The following RPSA2 variants were observed in gnomAD, a reference collection of about 807,000 sequenced individuals.
RPSA2 encodes the protein ribosomal protein SA 2, also known as small ribosomal subunit protein uS2B.
At chr19:23,805,611 A>T in the RPSA2 span, among the ~76,000 whole-genome samples, 1 of 152,200 alleles carries the variant, frequency 6.6e-6, no homozygotes, top group East Asian at 1.9e-4. Flanking sequence ...CTCAAGATGC[A>T]GGTATAATTA....
At chr19:23,786,008 CCAT>C in the RPSA2 span, among the ~76,000 whole-genome samples, 2 of 152,110 alleles carry the variant, frequency 1.3e-5, no homozygotes, top group Non-Finnish European at 2.9e-5. Flanking sequence ...AGAATTGTCA[CCAT>C]AATACAATCC....
the RPSA2 span, among the ~76,000 whole-genome samples, chr19:23,771,079 A>T: frequency 6.6e-6 from 1 of 152,194 alleles, no homozygotes; most frequent in African/African-American, 2.4e-5. Flanking sequence ...ACACTCTCTC[A>T]CATACTGTGT....
the RPSA2 span, among the ~76,000 whole-genome samples, chr19:23,845,794 C>T: frequency 0.98 from 149,010 of 152,346 alleles, 72,968 homozygotes; most frequent in Middle Eastern, 1. Flanking sequence ...CTCTGGCTGG[C>T]CATCCTAATT....
At chr19:23,830,187 C>T in the RPSA2 span, among the ~76,000 whole-genome samples, 1 of 152,174 alleles carries the variant, frequency 6.6e-6, no homozygotes, top group Non-Finnish European at 1.5e-5. Context: ...ATCCCCCAGC[C>T]AGGCTGGAGC....
At chr19:23,823,046 C>G in the RPSA2 span, among the ~76,000 whole-genome samples, 1 of 152,106 alleles carries the variant, frequency 6.6e-6, no homozygotes, top group South Asian at 2.1e-4. Flanking sequence ...TCCTCTGACC[C>G]CAGTTACCAC....
chr19:23,789,028 T>C, the RPSA2 span, among the ~76,000 whole-genome samples: 3 of 143,430 alleles, frequency 2.1e-5, no homozygotes, highest in Admixed American at 7.1e-5. Flanking sequence ...TCTTTCTTTT[T>C]TTTTTTTTGA....
chr19:23,800,731 A>T, the RPSA2 span, among the ~76,000 whole-genome samples: 1 of 151,964 alleles, frequency 6.6e-6, no homozygotes, highest in East Asian at 1.9e-4. Context: ...CTCCTGCCTC[A>T]GTGTCCCGAG....
At chr19:23,832,503 A>C in the RPSA2 span, 1 of 574,256 alleles carries the variant, frequency 1.7e-6, no homozygotes, top group South Asian at 1.7e-5. Context: ...TTTAGCCAAA[A>C]CTCAAACCTT....
At chr19:23,809,738 G>GT in the RPSA2 span, among the ~76,000 whole-genome samples, 42 of 151,036 alleles carry the variant, frequency 2.8e-4, no homozygotes, top group African/African-American at 8.0e-4. Context: ...TACTGTTTAT[G>GT]TTTTTTTTTT....
At chr19:23,849,331 G>A in the RPSA2 span, among the ~76,000 whole-genome samples, 1 of 9,268 alleles carries the variant, frequency 1.1e-4, no homozygotes, top group African/African-American at 1.5e-4. Flanking sequence ...ATGCCAAAGA[G>A]GTAGAGGGGC....
chr19:23,832,819 G>C, the RPSA2 span: 15 of 1,577,788 alleles, frequency 9.5e-6, no homozygotes, highest in Non-Finnish European at 1.3e-5. Flanking sequence ...TGAAGAATGT[G>C]GCAAAGCTTT....
At chr19:23,758,831 TAGA>T in the RPSA2 span, 11 of 1,594,310 alleles carry the variant, frequency 6.9e-6, no homozygotes, top group African/African-American at 4.0e-5. Context: ...GCTGGGCCTC[TAGA>T]AGAAGAGGAC....
chr19:23,796,477 T>C, the RPSA2 span, among the ~76,000 whole-genome samples: 1 of 152,044 alleles, frequency 6.6e-6, no homozygotes, highest in African/African-American at 2.4e-5. Context: ...TGTTCTTATA[T>C]AATAAGTTGG....
chr19:23,804,090 T>C, the RPSA2 span, among the ~76,000 whole-genome samples: 9 of 152,198 alleles, frequency 5.9e-5, no homozygotes, highest in African/African-American at 1.9e-4. Flanking sequence ...TAATAAACAT[T>C]GCATTAGTAC....
At chr19:23,784,349 G>T in the RPSA2 span, among the ~76,000 whole-genome samples, 2 of 152,236 alleles carry the variant, frequency 1.3e-5, no homozygotes, top group Non-Finnish European at 2.9e-5. Context: ...CATGGGCAGA[G>T]CCCACTGGGT....
chr19:23,863,468 G>A, the RPSA2 span, among the ~76,000 whole-genome samples: 2 of 151,042 alleles, frequency 1.3e-5, no homozygotes, highest in Admixed American at 6.6e-5. Context: ...GGAGGCTGAG[G>A]CAAGAGAATC....
chr19:23,777,474 T>C, the RPSA2 span, among the ~76,000 whole-genome samples: 3 of 152,118 alleles, frequency 2.0e-5, no homozygotes, highest in African/African-American at 2.4e-5. Flanking sequence ...ACTTAGGTGA[T>C]GTAACTCACC....
At chr19:23,781,672 C>T in the RPSA2 span, among the ~76,000 whole-genome samples, 7 of 152,268 alleles carry the variant, frequency 4.6e-5, no homozygotes, top group South Asian at 4.1e-4. Context: ...AATTGAGGCT[C>T]TCATGCACAA....
At chr19:23,767,523 G>C in the RPSA2 span, among the ~76,000 whole-genome samples, 1 of 152,132 alleles carries the variant, frequency 6.6e-6, no homozygotes, top group Non-Finnish European at 1.5e-5. Context: ...TCCCATCCCA[G>C]TAAGGCAATG....
Sources: gnomAD v4.1 joint callset for allele counts (sites outside exome capture counted in the v4.1 genomes callset) on GRCh38, gnomAD v4.1.1 for gene constraint, MANE v1.5 for transcripts, NCBI Gene and HGNC (gene_info 2026-07-23, HGNC 2026-07-21) for gene names.